Variants in PRKCE observed in about 807,000 individuals in gnomAD.
PRKCE encodes the protein protein kinase C epsilon type.
PRKCE carries 16 observed loss-of-function variants against 85.4 expected under a neutral mutation model. The observed-to-expected ratio is 0.19, with a 90% CI of 0.13 to 0.28. The LOEUF is 0.28. Ranked by LOEUF, PRKCE falls within the 10% of genes least tolerant of loss-of-function variation. The probability of loss-of-function intolerance (pLI) is 1.00; values close to 1 mark genes in which losing one functional copy is unlikely to be tolerated. For synonymous variants in PRKCE, 388 were observed against 371.5 expected (o/e 1.04, Z -0.51); for missense variants, 573 against 975.2 (o/e 0.59, Z 5.49).
At chr2:46,171,631 C>T (rs1287371142) in intron 14 of PRKCE, among the ~76,000 whole-genome samples, 1 of 152,198 alleles carries the variant, frequency 6.6e-6, no homozygotes, top group East Asian at 1.9e-4. Context: ...TGCCTCCGAG[C>T]CCATTTCCCC....
rs1443814105 is a variant in PRKCE, at chr2:46,068,677, G to A, written c.1438-17531G>A. ...GAAGCAGAAGAATTCTCCAAGGGCT[G>A]TCTTCATTTGCAAAGGCATCACCAA... On this transcript the variant is annotated intron_variant, in intron 10 of 14. Transcript: ENST00000306156. This position sits in a 1 kb window ranked among gnomAD's most constrained non-coding sequence, Gnocchi z 4.3. Among the ~76,000 whole-genome samples the A allele has an allele frequency of 6.6e-6, 1 of 152,200 alleles. No homozygotes were observed. Among genetic ancestry groups the A allele is most frequent in the East Asian group, 1.9e-4 (1 of 5,198 alleles).
intron 2 of PRKCE, among the ~76,000 whole-genome samples, chr2:45,939,822 G>A (rs536688866): frequency 1.3e-5 from 2 of 152,284 alleles, no homozygotes; most frequent in East Asian, 3.9e-4. Flanking sequence ...CAAAGTGCTG[G>A]GATTACAGGC....
chr2:46,143,473 A>G (rs1574585606), intron 11 of PRKCE, among the ~76,000 whole-genome samples: 1 of 152,148 alleles, frequency 6.6e-6, no homozygotes, highest in East Asian at 1.9e-4. Context: ...TGACAATGTT[A>G]AAGACCTTCT....
At chr2:46,031,192 G>T (rs1045987413) in intron 10 of PRKCE, among the ~76,000 whole-genome samples, 1 of 152,166 alleles carries the variant, frequency 6.6e-6, no homozygotes, top group Non-Finnish European at 1.5e-5. Context: ...TTTTGTGACC[G>T]TATTTTGAGA....
chr2:45,820,189 A>G (rs1302153636), intron 1 of PRKCE, among the ~76,000 whole-genome samples: 1 of 152,136 alleles, frequency 6.6e-6, no homozygotes, highest in Non-Finnish European at 1.5e-5. Flanking sequence ...AACCAACAAG[A>G]GTTTATTAAG....
At chr2:45,678,234 A>G (rs1676626650) in intron 1 of PRKCE, among the ~76,000 whole-genome samples, 2 of 152,222 alleles carry the variant, frequency 1.3e-5, no homozygotes, top group Admixed American at 6.5e-5. Flanking sequence ...TTCAGGATGT[A>G]TGATGCTGTT....
At chr2:45,934,199 C>T (rs1185276233) in intron 2 of PRKCE, among the ~76,000 whole-genome samples, 1 of 152,140 alleles carries the variant, frequency 6.6e-6, no homozygotes, top group Non-Finnish European at 1.5e-5. Flanking sequence ...TCTGTCCCCA[C>T]CAGTAGTTGT....
chr2:46,101,193 C>T (rs1671186464), intron 11 of PRKCE, among the ~76,000 whole-genome samples: 1 of 152,114 alleles, frequency 6.6e-6, no homozygotes. Flanking sequence ...AAACTGATAA[C>T]CAGAGAGACA....
Position 45,907,905 on chromosome 2 carries a change from G to T in PRKCE, c.412+64842G>T, listed in dbSNP as rs955487550. 1.3e-5 allele frequency among the ~76,000 whole-genome samples: 2 copies of T among 152,172 alleles called. No individual in the cohort carries two copies. Among genetic ancestry groups the T allele is most frequent in the African/African-American group, 4.8e-5 (2 of 41,428 alleles). ...GTATCTATGTTAAACAAAACGCCTT[G>T]TCCAGAATGATCTCCCATGCCCCTC... is the stretch of plus-strand genomic sequence containing the variant. On this transcript the variant is annotated intron_variant, in intron 2 of 14. Transcript: ENST00000306156. This position sits in a 1 kb window ranked among gnomAD's most constrained non-coding sequence, Gnocchi z 4.5.
In PRKCE at chr2:45,652,542, T is replaced by G; in HGVS notation, c.348+94T>G. 1 of 1,208,558 alleles carries G rather than the reference T, an allele frequency of 8.3e-7. No individual in the cohort carries two copies. The highest frequency in any genetic ancestry group is 2.8e-4 in the Middle Eastern group (1 of 3,512). The allele number at this position is 1,208,558 out of a possible 1,614,324, so 74.9% of individuals were successfully genotyped here. A position where few individuals can be genotyped will look rare whatever the true frequency, so the allele number is the denominator to read the frequency against. On this transcript the variant is annotated intron_variant, in intron 1 of 14. Coordinates refer to ENST00000306156, the MANE Select transcript of PRKCE (RefSeq NM_005400.3). The surrounding 1 kb of genome is among the most constrained non-coding windows in gnomAD (Gnocchi z 7.7). ...TTGATCGTAGGGCTCCGGGACTTAT[T>G]GACGACTGGGGTGTGTGTGCCTGTA...
At chr2:45,708,294 G>C (rs1679294717) in intron 1 of PRKCE, among the ~76,000 whole-genome samples, 1 of 152,164 alleles carries the variant, frequency 6.6e-6, no homozygotes. Flanking sequence ...TACATCGTGG[G>C]AAAACAGCTA....
intron 2 of PRKCE, among the ~76,000 whole-genome samples, chr2:45,954,848 G>A (rs1700864065): frequency 6.6e-6 from 1 of 152,190 alleles, no homozygotes; most frequent in Admixed American, 6.5e-5. Context: ...AAAAAACACA[G>A]TGATTGTGAG....
chr2:45,884,553 C>T (rs1020115740), intron 2 of PRKCE, among the ~76,000 whole-genome samples: 12 of 151,984 alleles, frequency 7.9e-5, no homozygotes, highest in African/African-American at 1.7e-4. Flanking sequence ...TCGACACCTA[C>T]GACAATGTTA....
At chr2:45,722,645 C>G (rs952696392) in intron 1 of PRKCE, among the ~76,000 whole-genome samples, 1 of 152,146 alleles carries the variant, frequency 6.6e-6, no homozygotes, top group Non-Finnish European at 1.5e-5. Flanking sequence ...ATTGTGTGGC[C>G]CATCTCTCTG....
intron 14 of PRKCE, among the ~76,000 whole-genome samples, chr2:46,179,394 T>A (rs1399016152): frequency 1.3e-5 from 2 of 152,014 alleles, no homozygotes; most frequent in African/African-American, 4.8e-5. Context: ...TCTCTAGGCC[T>A]CAGAGCTGCC....
At chr2:45,837,858 A>C (rs1304624558) in intron 1 of PRKCE, among the ~76,000 whole-genome samples, 2 of 152,238 alleles carry the variant, frequency 1.3e-5, no homozygotes, top group Non-Finnish European at 2.9e-5. Flanking sequence ...GCACAGAGCG[A>C]GACTCTGTCT....
chr2:45,823,268 C>T (rs1317147064), intron 1 of PRKCE, among the ~76,000 whole-genome samples: 4 of 152,204 alleles, frequency 2.6e-5, no homozygotes, highest in African/African-American at 4.8e-5. Context: ...CTACTTCAAA[C>T]GACACACCTG....
At chr2:46,103,528 T>A (rs1048644296) in intron 11 of PRKCE, among the ~76,000 whole-genome samples, 1 of 152,198 alleles carries the variant, frequency 6.6e-6, no homozygotes, top group African/African-American at 2.4e-5. Flanking sequence ...ATATTAAGTA[T>A]TTCTACAGTG....
chr2:45,822,407 T>A (rs567024525), intron 1 of PRKCE, among the ~76,000 whole-genome samples: 1 of 152,312 alleles, frequency 6.6e-6, no homozygotes, highest in East Asian at 1.9e-4. Flanking sequence ...CCCCAGCAGA[T>A]GAGGTCAGCG....
Sources: allele counts gnomAD v4.1 joint callset (sites outside exome capture counted in the v4.1 genomes callset), GRCh38; gene constraint gnomAD v4.1.1; non-coding constraint Gnocchi (gnomAD v3.1); transcripts MANE v1.5; gene names NCBI Gene and HGNC (gene_info 2026-07-23, HGNC 2026-07-21).